The following ASXL1 variants were observed in gnomAD, a reference collection of about 807,000 sequenced individuals.
The protein encoded by ASXL1 is polycomb group protein ASXL1.
ASXL1 carries 65 observed loss-of-function variants against 89.1 expected under a neutral mutation model. That is an observed-to-expected ratio of 0.73 (90% CI 0.60 to 0.90). ASXL1 has a LOEUF of 0.90. Ranked by LOEUF, ASXL1 falls within the 40% of genes least tolerant of loss-of-function variation. The probability of loss-of-function intolerance (pLI) is 0.00; values close to 1 mark genes in which losing one functional copy is unlikely to be tolerated. For synonymous variants in ASXL1, 739 were observed against 746.9 expected, an observed-to-expected ratio of 0.99 and a Z score of 0.17; for missense variants, 1,786 against 1,942.9, an observed-to-expected ratio of 0.92 and a Z score of 1.52.
Position 32,430,684 on chromosome 20 carries a change from G to GA in ASXL1, c.718+633dup, listed in dbSNP as rs1204956248. On this transcript the variant is annotated intron_variant, in intron 8 of 12. Coordinates refer to ENST00000375687, the MANE Select transcript of ASXL1 (RefSeq NM_015338.6). Reference sequence around the variant, plus strand: ...TAAGAAGACAAGCTTTTGCTTCTGAGAATTAGAGTAAACCTTTGCCCATGT... The same window carrying GA: ...TAAGAAGACAAGCTTTTGCTTCTGAGAAATTAGAGTAAACCTTTGCCCATGT... 6 of 233,150 alleles carry GA rather than the reference G, an allele frequency of 2.6e-5. No homozygotes were observed. In the Admixed American group the frequency reaches 3.1e-4, roughly 12 times the overall value. The allele number at this position is 233,150 out of a possible 1,614,324, so 14.4% of individuals were successfully genotyped here.
chr20:32,434,608 C>A lies in ASXL1; in HGVS notation c.1896C>A (p.Cys632Ter), dbSNP rs1356224550. ...TCCGAGGGGCGAGAGGTCACCACTGCCATAGAGAGGCGGCCACCACTGCCA... is the reference window on the plus strand; with the variant it reads ...TCCGAGGGGCGAGAGGTCACCACTGACATAGAGAGGCGGCCACCACTGCCA... ...LQVRGARGHHCHREAATTAIG... is the reference protein window; with the variant it reads ...LQVRGARGHH The change falls in exon 13 of 13, where the codon TGC (cysteine) becomes TGA (stop). Residue 632 changes from cysteine (C) to a stop codon, truncating the protein, a stop_gained. Transcript: ENST00000375687. LOFTEE classifies it low-confidence loss of function (END_TRUNC). 1.9e-6 allele frequency: 3 copies of A among 1,611,620 alleles called. No individual in the cohort carries two copies. The highest frequency in any genetic ancestry group is 2.5e-6 in the Non-Finnish European group (3 of 1,178,900).
chr20:32,436,154 C>T lies in ASXL1; in HGVS notation c.3442C>T (p.Arg1148Cys), dbSNP rs139435094. Reference protein sequence around the residue: ...LTKDQSHGSLRMGSLHGLGKN... With the variant: ...LTKDQSHGSLCMGSLHGLGKN... ...AAAAGACCAGAGCCATGGCTCGCTACGCATGGGATCTTTACATGGTCTTGG... is the reference window on the plus strand; with the variant it reads ...AAAAGACCAGAGCCATGGCTCGCTATGCATGGGATCTTTACATGGTCTTGG... Residue 1148 changes from arginine to cysteine, a missense_variant, in exon 13 of 13, where the codon CGC becomes TGC. By Grantham distance (180) the Arg-to-Cys change is radical. Coordinates refer to ENST00000375687, the MANE Select transcript of ASXL1 (RefSeq NM_015338.6). The T allele has an allele frequency of 4.7e-5, 76 of 1,614,248 alleles. No homozygotes were observed. Among genetic ancestry groups the T allele is most frequent in the Middle Eastern group, 3.3e-4 (2 of 6,062 alleles).
chr20:32,377,022 G>A (rs965066688), intron 4 of ASXL1, among the ~76,000 whole-genome samples: 2 of 133,536 alleles, frequency 1.5e-5, no homozygotes, highest in Non-Finnish European at 3.2e-5. Flanking sequence ...GATCACCTGA[G>A]GTCAGGTGAT....
At chr20:32,430,145 A>G (rs1291729147) in intron 8 of ASXL1, 92 bp downstream of exon 8, 1 of 1,463,592 alleles carries the variant, frequency 6.8e-7, no homozygotes, top group Non-Finnish European at 9.1e-7. Flanking sequence ...TTCCTTTACC[A>G]GTTTATTTTT....
intron 8 of ASXL1, chr20:32,430,873 T>G (rs1335594154): frequency 4.7e-6 from 2 of 426,734 alleles, no homozygotes; most frequent in Non-Finnish European, 8.9e-6. Flanking sequence ...CAGTCCTTAG[T>G]ACATTTCTGC....
intron 4 of ASXL1, among the ~76,000 whole-genome samples, chr20:32,373,413 A>G (rs1286963682): frequency 6.6e-6 from 1 of 152,090 alleles, no homozygotes; most frequent in Non-Finnish European, 1.5e-5. Context: ...CTAGATTTGC[A>G]TCTGGCATCT....
chr20:32,405,923 G>A (rs148369372), intron 4 of ASXL1, among the ~76,000 whole-genome samples: 413 of 151,004 alleles, frequency 2.7e-3, no homozygotes, highest in Admixed American at 6.2e-3. Flanking sequence ...TTTTTTTTGA[G>A]ATGGGGTTTT....
chr20:32,419,063 C>T (rs906622080), intron 4 of ASXL1, among the ~76,000 whole-genome samples: 22 of 151,838 alleles, frequency 1.4e-4, no homozygotes, highest in South Asian at 8.3e-4. Flanking sequence ...GAACTCCTGA[C>T]GTCGTGATCT....
At chr20:32,432,733 G>C (rs749850127) in intron 10 of ASXL1, 147 bp from the exon 11 acceptor site, 3 of 961,254 alleles carry the variant, frequency 3.1e-6, no homozygotes, top group Non-Finnish European at 4.7e-6. Context: ...CCTTATAGTA[G>C]ATGTGTTAGC....
In ASXL1 at chr20:32,433,406, A is replaced by G; in HGVS notation, c.1208A>G (p.Gln403Arg). The part of the protein sequence containing the change: ...VRIQRGPATR[Q>R]RDGHFKKRSR... The stretch of plus-strand genomic sequence containing the variant: ...ATACAGCGTGGTCCAGCCACCCGAC[A>G]GCGAGATGGGCATTTTAAGAAACGC... Residue 403 changes from glutamine to arginine, a missense_variant, in exon 12 of 13, where the codon CAG becomes CGG. This residue lies in a region of ASXL1 where 1,418 missense variants were observed against 1,427.8 expected (regional missense o/e 0.99). Transcript: ENST00000375687. 1 of 1,614,174 alleles carries G rather than the reference A, an allele frequency of 6.2e-7. No individual in the cohort carries two copies. Among genetic ancestry groups the G allele is most frequent in the Non-Finnish European group, 8.5e-7 (1 of 1,180,030 alleles).
intron 4 of ASXL1, among the ~76,000 whole-genome samples, chr20:32,389,335 G>A (rs981019725): frequency 1.3e-4 from 20 of 152,066 alleles, no homozygotes; most frequent in Non-Finnish European, 5.9e-5. Context: ...TGCTATCAAC[G>A]TGCCATATGA....
chr20:32,363,738 A>G (rs1364795257), intron 1 of ASXL1, among the ~76,000 whole-genome samples: 1 of 152,220 alleles, frequency 6.6e-6, no homozygotes, highest in Non-Finnish European at 1.5e-5. Flanking sequence ...AAGGGTAACT[A>G]GGAGTTAGGC....
In ASXL1 at chr20:32,433,823, T is replaced by G. The variant is rs762705745; in HGVS notation, c.1625T>G (p.Leu542Arg). ...SASFPEKKPR[L>R]EDRQSFRNTI... Reference sequence around the variant, plus strand: ...TCCTTTCCCGAAAAGAAGCCCCGGCTTGAAGATCGTCAGTCCTTTCGTAAC... The same window carrying G: ...TCCTTTCCCGAAAAGAAGCCCCGGCGTGAAGATCGTCAGTCCTTTCGTAAC... Residue 542 changes from leucine (L) to arginine (R), a missense_variant, in exon 12 of 13, where the codon CTT becomes CGT. Around this residue, in one of 3 missense-constraint regions of ASXL1, gnomAD observed 1,418 missense variants for 1,427.8 expected, o/e 0.99. Transcript: ENST00000375687. 6.2e-7 allele frequency: 1 copy of G among 1,614,014 alleles called. No homozygotes were observed. The highest frequency in any genetic ancestry group is 8.5e-7 in the Non-Finnish European group (1 of 1,180,044).
Position 32,379,183 on chromosome 20 carries a change from T to TTG in ASXL1, c.252+10061_252+10062insGT, listed in dbSNP as rs1569256890. 2.4e-4 allele frequency among the ~76,000 whole-genome samples: 21 copies of TTG among 87,138 alleles called. 1 individual carries two copies. The East Asian group carries it at 5.3e-3, about 22-fold the overall frequency. The allele number at this position is 87,138 out of a possible 152,430, so 57.2% of individuals were successfully genotyped here. On this transcript the variant is annotated intron_variant, in intron 4 of 12. Transcript: ENST00000375687. ...AGTCTTTTTTTTTTTTTTTTTTTTT[T>TTG]TTTTTTTTTTTTTTTTTTTGAGACA...
At chr20:32,361,173 G>A (rs2048104039) in intron 1 of ASXL1, among the ~76,000 whole-genome samples, 1 of 152,146 alleles carries the variant, frequency 6.6e-6, no homozygotes, top group Non-Finnish European at 1.5e-5. Flanking sequence ...ACATAGACCC[G>A]GTCTCTACAA....
intron 4 of ASXL1, among the ~76,000 whole-genome samples, chr20:32,400,509 A>C (rs187488458): frequency 4.5e-4 from 69 of 152,228 alleles, no homozygotes; most frequent in Admixed American, 4.1e-3. Context: ...GGTTGTCTTG[A>C]GATTTCCAGT....
chr20:32,375,533 A>G (rs1368275989), intron 4 of ASXL1, among the ~76,000 whole-genome samples: 1 of 152,122 alleles, frequency 6.6e-6, no homozygotes, highest in Non-Finnish European at 1.5e-5. Context: ...TAACATTGAT[A>G]TGATTGTGTA....
At chr20:32,368,622 T>G (rs2048243967) in intron 3 of ASXL1, among the ~76,000 whole-genome samples, 1 of 152,194 alleles carries the variant, frequency 6.6e-6, no homozygotes, top group African/African-American at 2.4e-5. Flanking sequence ...AGTTTCTGAG[T>G]ATGATATGTA....
intron 4 of ASXL1, among the ~76,000 whole-genome samples, chr20:32,400,881 C>T (rs1025120444): frequency 6.6e-6 from 1 of 152,202 alleles, no homozygotes; most frequent in African/African-American, 2.4e-5. Context: ...CTCTCATTGC[C>T]TGCTGCGCAG....
Sources: gnomAD v4.1 joint callset for allele counts (sites outside exome capture counted in the v4.1 genomes callset) on GRCh38, gnomAD v4.1.1 for gene constraint, gnomAD v4.1.1 regional missense constraint, MANE v1.5 for transcripts, NCBI Gene and HGNC (gene_info 2026-07-23, HGNC 2026-07-21) for gene names.